The following FADS2 variants were observed in gnomAD, a reference collection of about 807,000 sequenced individuals.
The protein encoded by FADS2 is acyl-CoA 6-desaturase.
Under a neutral mutation model 61.2 loss-of-function variants are expected in FADS2, and 18 were observed. The ratio of observed to expected loss-of-function variants is 0.29; its 90% confidence interval spans 0.20 to 0.44. The LOEUF (loss-of-function observed/expected upper bound fraction) is 0.44. Among genes scored for constraint, FADS2 ranks in the 20% least tolerant of loss-of-function variants. The pLI, the probability that FADS2 is intolerant of heterozygous loss-of-function variation, is 1.00. For missense variants in FADS2, 322 were observed against 572.7 expected (o/e 0.56, Z 4.47); for synonymous variants, 203 against 223.9 (o/e 0.91, Z 0.83).
chr11:61,836,491 C>A (rs1270463368), intron 1 of FADS2, among the ~76,000 whole-genome samples: 1 of 152,108 alleles, frequency 6.6e-6, no homozygotes. Flanking sequence ...CTCAGCCTCC[C>A]GAGTAACTGG....
intron 5 of FADS2, among the ~76,000 whole-genome samples, chr11:61,849,571 A>C (rs1287031714): frequency 6.6e-6 from 1 of 152,000 alleles, no homozygotes; most frequent in Non-Finnish European, 1.5e-5. Context: ...CCTGGGTAAC[A>C]GAGCAAAGCT....
Position 61,865,056 on chromosome 11 carries a change from A to T in FADS2, c.1158-96A>T. ...GTCCTGGCTGTGGACAGGGTCTCTGAGGGCCCCAGCCAGCCTCTGCCCAGG... is the reference window on the plus strand; with the variant it reads ...GTCCTGGCTGTGGACAGGGTCTCTGTGGGCCCCAGCCAGCCTCTGCCCAGG... On this transcript the variant is annotated intron_variant, in intron 10 of 11. Coordinates refer to ENST00000278840, the MANE Select transcript of FADS2 (RefSeq NM_004265.4). The surrounding 1 kb of genome is among the most constrained non-coding windows in gnomAD (Gnocchi z 4.1). The T allele has an allele frequency of 6.9e-7, 1 of 1,443,556 alleles. No homozygotes were observed. The highest frequency in any genetic ancestry group is 9.4e-7 in the Non-Finnish European group (1 of 1,061,290). The allele number at this position is 1,443,556 out of a possible 1,614,324, so 89.4% of individuals were successfully genotyped here. A position where few individuals can be genotyped will look rare whatever the true frequency, so the allele number is the denominator to read the frequency against.
intron 1 of FADS2, chr11:61,817,191 C>G: frequency 1.1e-5 from 2 of 174,476 alleles, no homozygotes; most frequent in South Asian, 1.7e-4. Context: ...GCGGGGTGGC[C>G]GCAGGAAGGG....
At chr11:61,863,101 C>A in intron 8 of FADS2, 32 bp downstream of exon 8, 1 of 1,576,428 alleles carries the variant, frequency 6.3e-7, no homozygotes, top group East Asian at 2.2e-5. Flanking sequence ...ATCCCTGGGC[C>A]CTCCACTGGC....
chr11:61,826,178 G>T (rs1363191402), upstream of FADS2: 3 of 702,550 alleles, frequency 4.3e-6, no homozygotes, highest in South Asian at 4.4e-5. Context: ...GGCTGCTGGG[G>T]CTTTTCTCAA....
At chr11:61,826,459 C>T (rs2067087292), upstream of FADS2, 5 of 681,394 alleles carry the variant, frequency 7.3e-6, no homozygotes, top group South Asian at 3.0e-5. Flanking sequence ...CTCCCTGCTC[C>T]GAGCTCCACA....
chr11:61,851,994 A>G (rs2067310851), intron 5 of FADS2, among the ~76,000 whole-genome samples: 1 of 152,148 alleles, frequency 6.6e-6, no homozygotes, highest in African/African-American at 2.4e-5. Flanking sequence ...CTTCTGCCAA[A>G]TGGGATATGG....
In FADS2 at chr11:61,863,822, C is replaced by T. The variant is rs777828628; in HGVS notation, c.1157+36C>T. 2.2e-5 allele frequency: 34 copies of T among 1,545,448 alleles called. No individual in the cohort carries two copies. The South Asian group carries it at 2.3e-4, about 11-fold the overall frequency. On this transcript the variant is annotated intron_variant, in intron 10 of 11. Transcript: ENST00000278840. ...GGCTGCGGGGAGGCGGGGAGACCCA[C>T]AGCGGGAGGGAAGTGGCCGCTATCC...
upstream of FADS2, chr11:61,825,906 A>G: frequency 1.7e-6 from 1 of 593,286 alleles, no homozygotes; most frequent in South Asian, 2.1e-5. Flanking sequence ...AAAAAATTAG[A>G]GGGCAGGGAG....
upstream of FADS2, chr11:61,826,592 G>C: frequency 3.4e-6 from 2 of 588,364 alleles, no homozygotes; most frequent in Non-Finnish European, 6.0e-6. Flanking sequence ...ACTCTCTGGA[G>C]GTCTTGCTTC....
intron 1 of FADS2, chr11:61,821,455 G>A (rs1056743443): frequency 1.4e-6 from 1 of 700,834 alleles, no homozygotes; most frequent in African/African-American, 1.8e-5. Context: ...GTGGCTGTTG[G>A]AATAACCTGA....
At chr11:61,841,962 C>A (rs182870195) in intron 4 of FADS2, among the ~76,000 whole-genome samples, 64 of 152,330 alleles carry the variant, frequency 4.2e-4, no homozygotes, top group Admixed American at 7.8e-4. Context: ...TGCCAACTGC[C>A]TTGTTCTGAT....
intron 5 of FADS2, among the ~76,000 whole-genome samples, chr11:61,853,337 CTTCT>C (rs1469325091): frequency 2.8e-5 from 2 of 71,026 alleles, no homozygotes; most frequent in African/African-American, 9.5e-5. Flanking sequence ...CCTTCCTTTC[CTTCT>C]TTCTTTCTAA....
chr11:61,828,990 C>A lies in FADS2; in HGVS notation c.207+393C>A, dbSNP rs533980322. ...GGGGAAGATGGCCGCCCCTGCGCGC[C>A]GCTGAAAGGAGCGGGAGCGCAGGCA... On this transcript the variant is annotated intron_variant, in intron 1 of 11. Coordinates refer to ENST00000278840, the MANE Select transcript of FADS2 (RefSeq NM_004265.4). This position sits in a 1 kb window ranked among gnomAD's most constrained non-coding sequence, Gnocchi z 6.4. Among the ~76,000 whole-genome samples the A allele has an allele frequency of 1.3e-5, 2 of 152,354 alleles. No homozygotes were observed. The highest frequency in any genetic ancestry group is 2.1e-4 in the South Asian group (1 of 4,830).
chr11:61,836,174 T>C (rs535916710), intron 1 of FADS2, among the ~76,000 whole-genome samples: 1 of 152,282 alleles, frequency 6.6e-6, no homozygotes, highest in African/African-American at 2.4e-5. Context: ...CTTGGCTCAC[T>C]GCAACCTCCA....
At chr11:61,819,588 A>G (rs2067021635) in intron 1 of FADS2, among the ~76,000 whole-genome samples, 2 of 152,242 alleles carry the variant, frequency 1.3e-5, no homozygotes, top group Non-Finnish European at 2.9e-5. Flanking sequence ...AAAAATATTC[A>G]TTAAAGCAGT....
rs1187107313 is a variant in FADS2 at position 61,848,159 on chromosome 11, G to A, written c.619G>A (p.Gly207Ser). Reference protein sequence around the residue: ...VHKFVIGHLKGASANWWNHRH... With the variant: ...VHKFVIGHLKSASANWWNHRH... ...CATCCCCACCCCTCTCTCCCCACAG[G>A]GTGCCTCTGCCAACTGGTGGAATCA... The change falls in exon 5 of 12, where the codon GGT becomes AGT. Residue 207 changes from glycine to serine, a missense_variant and splice_region_variant. Coordinates refer to ENST00000278840, the MANE Select transcript of FADS2 (RefSeq NM_004265.4). The A allele has an allele frequency of 1.2e-6, 2 of 1,614,020 alleles. No individual in the cohort carries two copies. The highest frequency in any genetic ancestry group is 1.3e-5 in the African/African-American group (1 of 74,996).
rs1476687083 is a variant in FADS2 at position 61,865,139 on chromosome 11, A to G, written c.1158-13A>G. Reference sequence around the variant, plus strand: ...TGAGTCCTCACGCTCTGCCCACCCTACACACTCCTCAGCCTCTTCCCCACC... The same window carrying G: ...TGAGTCCTCACGCTCTGCCCACCCTGCACACTCCTCAGCCTCTTCCCCACC... On this transcript the variant is annotated splice_polypyrimidine_tract_variant and intron_variant, in intron 10 of 11. Coordinates refer to ENST00000278840, the MANE Select transcript of FADS2 (RefSeq NM_004265.4). The surrounding 1 kb of genome is among the most constrained non-coding windows in gnomAD (Gnocchi z 4.1). 1.9e-6 allele frequency: 3 copies of G among 1,611,714 alleles called. No homozygotes were observed. Among genetic ancestry groups the G allele is most frequent in the Non-Finnish European group, 2.5e-6 (3 of 1,179,040 alleles).
At chr11:61,832,752 C>A (rs986667836) in intron 1 of FADS2, among the ~76,000 whole-genome samples, 2 of 152,186 alleles carry the variant, frequency 1.3e-5, no homozygotes, top group Non-Finnish European at 2.9e-5. Flanking sequence ...CTGGAGAATG[C>A]GAGGATCCCT....
Sources: gnomAD v4.1 joint callset for allele counts (sites outside exome capture counted in the v4.1 genomes callset) on GRCh38, gnomAD v4.1.1 for gene constraint, Gnocchi (gnomAD v3.1) non-coding constraint, MANE v1.5 for transcripts, NCBI Gene and HGNC (gene_info 2026-07-23, HGNC 2026-07-21) for gene names.